Variants in WDR87 observed in about 807,000 individuals in gnomAD.
WDR87 encodes the protein WD repeat domain 87.
WDR87 carries 56 observed loss-of-function variants against 83.3 expected under a neutral mutation model. The observed-to-expected ratio is 0.67, with a 90% confidence interval of 0.54 to 0.84. The LOEUF is 0.84. Ranked by LOEUF, WDR87 falls within the 40% of genes least tolerant of loss-of-function variation. The pLI, the probability that WDR87 is intolerant of heterozygous loss-of-function variation, is 0.00. For synonymous variants in WDR87, 1,173 were observed against 1,250.6 expected (o/e 0.94, Z 1.31); for missense variants, 2,939 against 3,431.9 (o/e 0.86, Z 3.59).
chr19:37,899,512 C>T (rs1490239632), intron 1 of WDR87, among the ~76,000 whole-genome samples: 2 of 151,948 alleles, frequency 1.3e-5, no homozygotes, highest in South Asian at 4.2e-4. Context: ...CATCATAGCT[C>T]ACTGCAGCTT....
intron 1 of WDR87, among the ~76,000 whole-genome samples, chr19:37,906,036 C>T (rs967942088): frequency 5.3e-5 from 8 of 152,166 alleles, no homozygotes; most frequent in African/African-American, 1.9e-4. Context: ...GAAACATATG[C>T]TTCCCAGCTT....
intron 1 of WDR87, 144 bp downstream of exon 1, chr19:37,906,353 CTT>C (rs1263888595): frequency 6.6e-6 from 1 of 152,206 alleles, no homozygotes; most frequent in Non-Finnish European, 1.5e-5. Flanking sequence ...GCCCCTGGGT[CTT>C]GTGGCTCCCG....
At chr19:37,900,010 C>T (rs1324482653) in intron 1 of WDR87, among the ~76,000 whole-genome samples, 1 of 152,200 alleles carries the variant, frequency 6.6e-6, no homozygotes, top group Non-Finnish European at 1.5e-5. Context: ...GAAGCAAGGT[C>T]AGCAAAACAC....
At chr19:37,896,410 C>T in intron 2 of WDR87, 102 bp from the exon 3 acceptor site, 1 of 1,281,998 alleles carries the variant, frequency 7.8e-7, no homozygotes, top group African/African-American at 1.6e-5. Context: ...TCATGCTTCC[C>T]ACCCGAAGGA....
At chr19:37,901,257 C>T (rs922076815) in intron 1 of WDR87, among the ~76,000 whole-genome samples, 5 of 151,402 alleles carry the variant, frequency 3.3e-5, no homozygotes, top group Non-Finnish European at 5.9e-5. Flanking sequence ...ATGGTAAAAC[C>T]CTGTCTCTAC....
rs1281321315 is a variant in WDR87 at position 37,888,597 on chromosome 19, G to T, written c.5074C>A (p.Gln1692Lys). Residue 1692 changes from glutamine to lysine, a missense_variant, in exon 6 of 6, where the codon CAG (glutamine) becomes AAG (lysine). This residue lies in a region of WDR87 where 2,160 missense variants were observed against 2,533.1 expected (regional missense o/e 0.85). Coordinates refer to ENST00000447313, the MANE Select transcript of WDR87 (RefSeq NM_001291088.2). ...TTCTGGGCCAATTTCTCCGCCTCCTGGCTTAGCTTCTCCCCTCTTTGGGCC... is the reference window on the plus strand; with the variant it reads ...TTCTGGGCCAATTTCTCCGCCTCCTTGCTTAGCTTCTCCCCTCTTTGGGCC... ...TLAQRGEKLSQEAEKLAQKRK... is the reference protein window; with the variant it reads ...TLAQRGEKLSKEAEKLAQKRK... 4 of 1,551,648 alleles carry T rather than the reference G, an allele frequency of 2.6e-6. No homozygotes were observed. Among genetic ancestry groups the T allele is most frequent in the Non-Finnish European group, 3.5e-6 (4 of 1,147,054 alleles).
intron 1 of WDR87, among the ~76,000 whole-genome samples, chr19:37,900,766 GTC>G (rs1321296093): frequency 1.3e-5 from 2 of 151,680 alleles, no homozygotes; most frequent in East Asian, 3.9e-4. Context: ...TGCGATAGCT[GTC>G]TCCATTCTGT....
At chr19:37,902,749 C>A (rs1320200091) in intron 1 of WDR87, among the ~76,000 whole-genome samples, 2 of 152,146 alleles carry the variant, frequency 1.3e-5, no homozygotes, top group East Asian at 3.9e-4. Context: ...CTCCCACGAG[C>A]TTTGCCTTGT....
rs2046174387 is a variant in WDR87 at position 37,888,700 on chromosome 19, C to T, written c.4971G>A (p.Gln1657=). 6.4e-7 allele frequency: 1 copy of T among 1,552,010 alleles called. No homozygotes were observed. The highest frequency in any genetic ancestry group is 1.4e-5 in the African/African-American group (1 of 73,116). Residue 1657 remains glutamine (Q), a synonymous_variant, in exon 6 of 6, where the codon CAG becomes CAA. Transcript: ENST00000447313. Reference sequence around the variant, plus strand: ...CATCCTGGGTTATTTTCACGTATGCCTGGGCCAGTTTTCTCTCTTCCTGGG... The same window carrying T: ...CATCCTGGGTTATTTTCACGTATGCTTGGGCCAGTTTTCTCTCTTCCTGGG... The part of the protein sequence containing the change: ...QLAQEERKLA[Q]AYVKITQDDR...
chr19:37,903,754 T>C (rs1046301582), intron 1 of WDR87, among the ~76,000 whole-genome samples: 28 of 152,080 alleles, frequency 1.8e-4, no homozygotes, highest in African/African-American at 6.0e-4. Flanking sequence ...GGTCTCAAAC[T>C]CCTGGCCTCA....
chr19:37,897,204 G>GTTTTTTTTTTTTTTTTTTTTTTT (rs397859251), intron 2 of WDR87, among the ~76,000 whole-genome samples: 1 of 115,296 alleles, frequency 8.7e-6, no homozygotes, highest in African/African-American at 3.3e-5. Context: ...CTGGGATCCT[G>GTTTTTTTTTTTTTTTTTTTTTTT]TTTTTTTTTT....
At chr19:37,896,403 T>A (rs1167448941) in intron 2 of WDR87, 95 bp from the exon 3 acceptor site, 1 of 1,366,282 alleles carries the variant, frequency 7.3e-7, no homozygotes, top group African/African-American at 1.5e-5. Context: ...CCCAAAGTCA[T>A]GCTTCCCACC....
In WDR87 at chr19:37,888,497, A is replaced by G; in HGVS notation, c.5174T>C (p.Leu1725Pro). 1 of 1,551,484 alleles carries G rather than the reference A, an allele frequency of 6.4e-7. No individual in the cohort carries two copies. Among genetic ancestry groups the G allele is most frequent in the Non-Finnish European group, 8.7e-7 (1 of 1,146,960 alleles). Residue 1725 changes from leucine (L) to proline (P), a missense_variant, in exon 6 of 6, where the codon CTG becomes CCG. Physicochemically the swap from Leu to Pro is moderately conservative, Grantham distance 98. This residue lies in a region of WDR87 where 2,160 missense variants were observed against 2,533.1 expected (regional missense o/e 0.85). Transcript: ENST00000447313. Reference protein sequence around the residue: ...EEKLAKKGGKLAEVKNILAQK... With the variant: ...EEKLAKKGGKPAEVKNILAQK... ...GGCCAATATGTTTTTCACCTCAGCC[A>G]GTTTCCCTCCTTTCTTTGCTAGTTT...
chr19:37,888,133 C>G lies in WDR87; in HGVS notation c.5538G>C (p.Glu1846Asp). The G allele has an allele frequency of 6.4e-7, 1 of 1,552,106 alleles. No homozygotes were observed. Among genetic ancestry groups the G allele is most frequent in the Non-Finnish European group, 8.7e-7 (1 of 1,147,108 alleles). The change falls in exon 6 of 6, where the codon GAG becomes GAC. Residue 1846 changes from glutamate (E) to aspartate (D), a missense_variant. Around this residue, in one of 3 missense-constraint regions of WDR87, gnomAD observed 2,160 missense variants for 2,533.1 expected, o/e 0.85. Transcript: ENST00000447313. ...TTTTTTGGGCCAGTTTCATCTTCTT[C>G]TCAATCAATTGCTCCCTTTTCCGTC... is the stretch of plus-strand genomic sequence containing the variant. ...RLGRKREQLIEKKMKLAQKRE... is the reference protein window; with the variant it reads ...RLGRKREQLIDKKMKLAQKRE...
Position 37,885,218 on chromosome 19 carries a change from T to C in WDR87, c.8453A>G (p.Glu2818Gly). 6.7e-7 allele frequency: 1 copy of C among 1,492,200 alleles called. No individual in the cohort carries two copies. The highest frequency in any genetic ancestry group is 8.9e-7 in the Non-Finnish European group (1 of 1,122,566). The allele number at this position is 1,492,200 out of a possible 1,614,324, so 92.4% of individuals were successfully genotyped here. A position where few individuals can be genotyped will look rare whatever the true frequency, so the allele number is the denominator to read the frequency against. ...QKLLQELLMR[E>G]EPQPQEIIYE... ...GATGATCTCTTGGGGTTGAGGTTCC[T>C]CTCTCATTAGCAGCTCCTGAAGCAG... Residue 2818 changes from glutamate to glycine, a missense_variant, in exon 6 of 6, where the codon GAG (glutamate) becomes GGG (glycine). By Grantham distance (98) the Glu-to-Gly change is moderately conservative. Transcript: ENST00000447313.
chr19:37,884,828 C>G lies in WDR87; in HGVS notation c.*104G>C, dbSNP rs1170948914. 1 of 746,850 alleles carries G rather than the reference C, an allele frequency of 1.3e-6. No homozygotes were observed. The highest frequency in any genetic ancestry group is 2.2e-5 in the African/African-American group (1 of 44,754). 46.3% of individuals were successfully genotyped at this position (746,850 alleles called of 1,614,324 possible). A position where few individuals can be genotyped will look rare whatever the true frequency, so the allele number is the denominator to read the frequency against. ...GGGCAATAAGAGTGAAACACCGTCT[C>G]AAAAAAAAAAAAAAGAGAGAGAGAG... is the stretch of plus-strand genomic sequence containing the variant. On this transcript the variant is annotated 3_prime_UTR_variant, in exon 6 of 6. Coordinates refer to ENST00000447313, the MANE Select transcript of WDR87 (RefSeq NM_001291088.2).
chr19:37,886,603 C>T lies in WDR87; in HGVS notation c.7068G>A (p.Glu2356=), dbSNP rs530828742. 3 of 1,530,876 alleles carry T rather than the reference C, an allele frequency of 2.0e-6. No individual in the cohort carries two copies. The highest frequency in any genetic ancestry group is 2.8e-5 in the African/African-American group (2 of 72,024). 94.8% of individuals were successfully genotyped at this position (1,530,876 alleles called of 1,614,324 possible). Residue 2356 remains glutamate (E), a synonymous_variant, in exon 6 of 6, where the codon GAG becomes GAA. Coordinates refer to ENST00000447313, the MANE Select transcript of WDR87 (RefSeq NM_001291088.2). Reference sequence around the variant, plus strand: ...CTTCCTCGTCACTCAAACTTTCTGTCTCTTCCTCACTCATAATTTCTTCTT... The same window carrying T: ...CTTCCTCGTCACTCAAACTTTCTGTTTCTTCCTCACTCATAATTTCTTCTT... The part of the protein sequence containing the change: ...EEKEEIMSEE[E]TESLSDEEEE...
At chr19:37,898,401 G>T in intron 1 of WDR87, 116 bp from the exon 2 acceptor site, 1 of 1,308,988 alleles carries the variant, frequency 7.6e-7, no homozygotes, top group Non-Finnish European at 1.0e-6. Flanking sequence ...GTCAGGAACT[G>T]TGCACAAGAC....
Position 37,884,950 on chromosome 19 carries a change from G to A in WDR87, c.8721C>T (p.Thr2907=), listed in dbSNP as rs984715081. 2.1e-5 allele frequency: 28 copies of A among 1,318,810 alleles called. No individual in the cohort carries two copies. Among genetic ancestry groups the A allele is most frequent in the African/African-American group, 7.6e-5 (5 of 66,036 alleles). 81.7% of individuals were successfully genotyped at this position (1,318,810 alleles called of 1,614,324 possible). Residue 2907 remains threonine (T), a synonymous_variant, in exon 6 of 6, where the codon ACC becomes ACT. Coordinates refer to ENST00000447313, the MANE Select transcript of WDR87 (RefSeq NM_001291088.2). ...DLHLTKALTH[T]VAPTL ...TCCCAAATTAGAGAGTGGGAGCAACGGTGTGTGTCAGTGCCTTGGTGAGAT... is the reference window on the plus strand; with the variant it reads ...TCCCAAATTAGAGAGTGGGAGCAACAGTGTGTGTCAGTGCCTTGGTGAGAT...
Sources: gnomAD v4.1 joint callset for allele counts (sites outside exome capture counted in the v4.1 genomes callset) on GRCh38, gnomAD v4.1.1 for gene constraint, gnomAD v4.1.1 regional missense constraint, MANE v1.5 for transcripts, NCBI Gene and HGNC (gene_info 2026-07-23, HGNC 2026-07-21) for gene names.